The following XRCC4 variants were observed in gnomAD, a reference collection of about 807,000 sequenced individuals.
The protein encoded by XRCC4 is X-ray repair cross complementing 4, also known as DNA repair protein XRCC4.
Under a neutral mutation model 39.1 loss-of-function variants are expected in XRCC4, and 28 were observed. That is an observed-to-expected ratio of 0.72 (90% CI 0.53 to 0.98). The LOEUF (loss-of-function observed/expected upper bound fraction) is 0.98, where lower values mean the gene tolerates loss of function less well. Among genes scored for constraint, XRCC4 ranks in the 50% least tolerant of loss-of-function variants. The pLI, the probability that XRCC4 is intolerant of heterozygous loss-of-function variation, is 0.00. For synonymous variants in XRCC4, 123 were observed against 126.4 expected, an observed-to-expected ratio of 0.97 and a Z score of 0.18; for missense variants, 350 against 376.4, an observed-to-expected ratio of 0.93 and a Z score of 0.58.
chr5:83,235,604 TATC>T lies in XRCC4; in HGVS notation c.746-22923_746-22921del, dbSNP rs1489606682. On this transcript the variant is annotated intron_variant, in intron 6 of 7. Coordinates refer to ENST00000396027, the MANE Select transcript of XRCC4 (RefSeq NM_003401.5). ...TCATGTATGACAAACCCACAGCTGG[TATC>T]ATACTGAACGGGAAAAAAACAAAAG... 4.6e-5 allele frequency among the ~76,000 whole-genome samples: 7 copies of T among 152,104 alleles called. No homozygotes were observed. The East Asian group carries it at 1.3e-3, about 29-fold the overall frequency.
intron 6 of XRCC4, among the ~76,000 whole-genome samples, chr5:83,222,248 C>T (rs1752114288): frequency 6.6e-6 from 1 of 151,944 alleles, no homozygotes; most frequent in South Asian, 2.1e-4. Context: ...CAACTTTCTT[C>T]ATTATTTCTT....
Position 83,353,272 on chromosome 5 carries a change from A to G in XRCC4, c.*30A>G, listed in dbSNP as rs572777346. On this transcript the variant is annotated 3_prime_UTR_variant, in exon 8 of 8. Transcript: ENST00000396027. ...CTCAAAAAATACTTTGATGTTCACT[A>G]GACTATGTTTTCTATTCATTTCTTT... The G allele has an allele frequency of 8.1e-6, 12 of 1,485,144 alleles. No individual in the cohort carries two copies. The African/African-American group carries it at 1.6e-4, about 19-fold the overall frequency. The allele number at this position is 1,485,144 out of a possible 1,614,324, so 92.0% of individuals were successfully genotyped here.
intron 3 of XRCC4, among the ~76,000 whole-genome samples, chr5:83,129,687 T>C (rs1404857022): frequency 2.0e-5 from 3 of 152,106 alleles, no homozygotes; most frequent in African/African-American, 7.2e-5. Flanking sequence ...AAGAGGTCCT[T>C]CGCATCCCTT....
chr5:83,163,710 C>T (rs1011014106), intron 3 of XRCC4, among the ~76,000 whole-genome samples: 4 of 152,090 alleles, frequency 2.6e-5, no homozygotes, highest in East Asian at 1.9e-4. Flanking sequence ...CTTAAGTGGG[C>T]GGGTTGTCTA....
chr5:83,109,236 ATGT>A (rs774660172), intron 2 of XRCC4, among the ~76,000 whole-genome samples: 3 of 151,754 alleles, frequency 2.0e-5, no homozygotes, highest in Non-Finnish European at 3.0e-5. Context: ...TTTTATACTA[ATGT>A]TGTTTTTCAA....
intron 6 of XRCC4, among the ~76,000 whole-genome samples, chr5:83,223,705 A>T (rs1752176108): frequency 6.6e-6 from 1 of 151,530 alleles, no homozygotes; most frequent in African/African-American, 2.4e-5. Context: ...ATTATACTTT[A>T]AGTTCTAGGG....
At chr5:83,153,781 A>G (rs1748829951) in intron 3 of XRCC4, among the ~76,000 whole-genome samples, 1 of 152,222 alleles carries the variant, frequency 6.6e-6, no homozygotes, top group South Asian at 2.1e-4. Context: ...AGATATAATC[A>G]TATTTAAACT....
chr5:83,105,309 A>T (rs918245247), intron 2 of XRCC4, among the ~76,000 whole-genome samples: 1 of 152,224 alleles, frequency 6.6e-6, no homozygotes, highest in Non-Finnish European at 1.5e-5. Context: ...CAGAGGTTTA[A>T]AATGACCTCT....
At chr5:83,145,033 C>G (rs1748385612) in intron 3 of XRCC4, among the ~76,000 whole-genome samples, 2 of 151,924 alleles carry the variant, frequency 1.3e-5, no homozygotes, top group Non-Finnish European at 2.9e-5. Context: ...GTAGCTGGGA[C>G]TACAGGCACC....
At chr5:83,261,181 A>G (rs1753735183) in intron 7 of XRCC4, among the ~76,000 whole-genome samples, 1 of 152,002 alleles carries the variant, frequency 6.6e-6, no homozygotes, top group Non-Finnish European at 1.5e-5. Context: ...TCTATAAAAC[A>G]AAAGCAAAAA....
intron 1 of XRCC4, among the ~76,000 whole-genome samples, chr5:83,096,191 T>C (rs1046118222): frequency 1.1e-4 from 17 of 150,894 alleles, no homozygotes; most frequent in Admixed American, 8.6e-4. Context: ...AGAAGTGCTG[T>C]AGCCAAGAAA....
chr5:83,367,183 C>T, the XRCC4 span, among the ~76,000 whole-genome samples: 5 of 152,228 alleles, frequency 3.3e-5, no homozygotes, highest in African/African-American at 1.2e-4. Context: ...TCATAGAAAG[C>T]TTTGTTGATT....
intron 1 of XRCC4, among the ~76,000 whole-genome samples, chr5:83,095,972 G>C (rs1485049723): frequency 6.6e-6 from 1 of 152,024 alleles, no homozygotes; most frequent in Non-Finnish European, 1.5e-5. Context: ...ACCCGTTGCA[G>C]TGGTTCAGAC....
intron 6 of XRCC4, among the ~76,000 whole-genome samples, chr5:83,236,693 C>T (rs1221268910): frequency 6.6e-6 from 1 of 151,590 alleles, no homozygotes; most frequent in Non-Finnish European, 1.5e-5. Context: ...CACAGGCAAC[C>T]ACAGTAAAAA....
chr5:83,268,925 A>G (rs955596932), intron 7 of XRCC4, among the ~76,000 whole-genome samples: 2 of 152,224 alleles, frequency 1.3e-5, no homozygotes, highest in African/African-American at 4.8e-5. Context: ...CATTTCAAGG[A>G]AATCATGAAA....
chr5:83,170,501 T>G (rs974247535), intron 3 of XRCC4, among the ~76,000 whole-genome samples: 4 of 152,148 alleles, frequency 2.6e-5, no homozygotes, highest in Non-Finnish European at 5.9e-5. Context: ...GGGCTGCATT[T>G]TCATGTGGGG....
intron 3 of XRCC4, among the ~76,000 whole-genome samples, chr5:83,170,567 C>G (rs1414598088): frequency 6.6e-6 from 1 of 152,092 alleles, no homozygotes; most frequent in Non-Finnish European, 1.5e-5. Flanking sequence ...TCCTTGCTGC[C>G]TCTTAGCTAA....
At chr5:83,366,332 C>G in the XRCC4 span, among the ~76,000 whole-genome samples, 2 of 152,138 alleles carry the variant, frequency 1.3e-5, no homozygotes, top group South Asian at 4.1e-4. Context: ...TACAGCAGAA[C>G]AAAACAAGAC....
intron 3 of XRCC4, among the ~76,000 whole-genome samples, chr5:83,193,168 T>C (rs1351696179): frequency 6.6e-6 from 1 of 152,082 alleles, no homozygotes; most frequent in Non-Finnish European, 1.5e-5. Flanking sequence ...GCCCCTTGCA[T>C]CTGTAGTAAT....
Sources: allele counts gnomAD v4.1 joint callset (sites outside exome capture counted in the v4.1 genomes callset), GRCh38; gene constraint gnomAD v4.1.1; transcripts MANE v1.5; gene names NCBI Gene and HGNC (gene_info 2026-07-23, HGNC 2026-07-21).